Variants in CACNA2D3 observed in about 807,000 individuals in gnomAD.
CACNA2D3 encodes the protein calcium voltage-gated channel auxiliary subunit alpha2delta 3, also known as voltage-dependent calcium channel subunit alpha-2/delta-3.
In CACNA2D3, 60 loss-of-function variants were observed where a neutral mutation model predicts 160.6. That is an observed-to-expected ratio of 0.37 (90% CI 0.30 to 0.46). The LOEUF (loss-of-function observed/expected upper bound fraction) is 0.46. Among genes scored for constraint, CACNA2D3 ranks in the 20% least tolerant of loss-of-function variants. CACNA2D3 has a pLI of 1.00. For synonymous variants in CACNA2D3, 558 were observed against 492.9 expected, an observed-to-expected ratio of 1.13 and a Z score of -1.75; for missense variants, 1,205 against 1,365.0, an observed-to-expected ratio of 0.88 and a Z score of 1.85.
At chr3:54,666,861 T>C (rs1181517202) in intron 11 of CACNA2D3, among the ~76,000 whole-genome samples, 2 of 152,234 alleles carry the variant, frequency 1.3e-5, no homozygotes, top group African/African-American at 2.4e-5. Context: ...GGAAGTACTT[T>C]GTGCTATCAA....
intron 12 of CACNA2D3, 70 bp from the exon 13 acceptor site, chr3:54,764,148 C>A: frequency 6.5e-7 from 1 of 1,531,264 alleles, no homozygotes; most frequent in Non-Finnish European, 9.0e-7. Flanking sequence ...GAAGGCATGG[C>A]ATATGCATAT....
chr3:54,521,817 T>C (rs1229044788), intron 5 of CACNA2D3, among the ~76,000 whole-genome samples: 1 of 152,214 alleles, frequency 6.6e-6, no homozygotes, highest in Non-Finnish European at 1.5e-5. Context: ...GAAAAGACTG[T>C]TCTTTCCCCC....
rs79701749 is a variant in CACNA2D3, at chr3:54,138,483, C to T, written c.204+14889C>T. On this transcript the variant is annotated intron_variant, in intron 2 of 37. Coordinates refer to ENST00000474759, the MANE Select transcript of CACNA2D3 (RefSeq NM_018398.3). ...GCATCTCTGGTTATAGTGCCTGCCT[C>T]CTCCTTAAAGCACCCACTGCATCCG... is the stretch of plus-strand genomic sequence containing the variant. Among the ~76,000 whole-genome samples the T allele has an allele frequency of 0.012, 1,795 of 152,306 alleles. 84 individuals carry two copies. In the East Asian group the frequency reaches 0.16, roughly 14 times the overall value.
intron 3 of CACNA2D3, among the ~76,000 whole-genome samples, chr3:54,324,605 G>T (rs1302326151): frequency 6.6e-6 from 1 of 151,968 alleles, no homozygotes; most frequent in Non-Finnish European, 1.5e-5. Flanking sequence ...TAGGTTATTT[G>T]ATATGGCCAT....
At chr3:54,521,556 C>G (rs1220941197) in intron 5 of CACNA2D3, among the ~76,000 whole-genome samples, 1 of 152,108 alleles carries the variant, frequency 6.6e-6, no homozygotes, top group East Asian at 1.9e-4. Flanking sequence ...TTGATGAAGT[C>G]CAATTTACCT....
intron 4 of CACNA2D3, among the ~76,000 whole-genome samples, chr3:54,430,257 T>C (rs993527074): frequency 1.3e-5 from 2 of 152,238 alleles, no homozygotes; most frequent in African/African-American, 4.8e-5. Flanking sequence ...AATTATTCTG[T>C]GCAGATTTAT....
At chr3:54,283,896 C>G (rs1702944737) in intron 2 of CACNA2D3, among the ~76,000 whole-genome samples, 1 of 152,072 alleles carries the variant, frequency 6.6e-6, no homozygotes, top group African/African-American at 2.4e-5. Context: ...AACCCCGTCT[C>G]TACTAAAAAT....
At chr3:54,683,809 C>G (rs1258641330) in intron 11 of CACNA2D3, among the ~76,000 whole-genome samples, 3 of 152,146 alleles carry the variant, frequency 2.0e-5, no homozygotes, top group Non-Finnish European at 4.4e-5. Context: ...TCTCTGAAAA[C>G]TCTAGAGAAG....
intron 12 of CACNA2D3, among the ~76,000 whole-genome samples, chr3:54,763,370 T>C (rs887928609): frequency 6.6e-6 from 1 of 152,068 alleles, no homozygotes; most frequent in Non-Finnish European, 1.5e-5. Context: ...CTTAAATATG[T>C]TGTCACAAAG....
chr3:54,465,510 A>G (rs1361430286), intron 4 of CACNA2D3, among the ~76,000 whole-genome samples: 2 of 152,206 alleles, frequency 1.3e-5, no homozygotes, highest in Non-Finnish European at 2.9e-5. Context: ...TTGCGGTTTC[A>G]GGCATCCACT....
intron 17 of CACNA2D3, among the ~76,000 whole-genome samples, chr3:54,857,012 CTCAGGCAAGCCACCTG>C (rs1412983791): frequency 6.6e-6 from 1 of 152,166 alleles, no homozygotes; most frequent in African/African-American, 2.4e-5. Context: ...AACTCCTGAG[CTCAGGCAAGCCACCTG>C]TCTTGGCCTC....
intron 13 of CACNA2D3, among the ~76,000 whole-genome samples, chr3:54,812,364 C>T (rs1360279633): frequency 6.6e-6 from 1 of 152,174 alleles, no homozygotes; most frequent in Non-Finnish European, 1.5e-5. Context: ...GAGCATATGA[C>T]AAGAGAGGGT....
chr3:54,228,986 C>T (rs558064803), intron 2 of CACNA2D3, among the ~76,000 whole-genome samples: 9 of 152,260 alleles, frequency 5.9e-5, no homozygotes, highest in South Asian at 2.1e-4. Flanking sequence ...GGGTATCTCC[C>T]GTGGAGTCAG....
At chr3:54,242,937 T>A (rs1478975183) in intron 2 of CACNA2D3, among the ~76,000 whole-genome samples, 1 of 152,194 alleles carries the variant, frequency 6.6e-6, no homozygotes, top group Non-Finnish European at 1.5e-5. Context: ...TGAAGATGAC[T>A]GACAGTAAAG....
chr3:54,406,764 ATAG>A (rs1314039165), intron 4 of CACNA2D3, among the ~76,000 whole-genome samples: 1 of 152,138 alleles, frequency 6.6e-6, no homozygotes, highest in Non-Finnish European at 1.5e-5. Flanking sequence ...ACTATAGTTA[ATAG>A]TAGTGTATTG....
At chr3:54,152,431 A>G (rs547782780) in intron 2 of CACNA2D3, among the ~76,000 whole-genome samples, 1 of 152,354 alleles carries the variant, frequency 6.6e-6, no homozygotes, top group South Asian at 2.1e-4. Flanking sequence ...CTTCTCTTCA[A>G]AATCTTTGAT....
chr3:54,470,248 T>A (rs1210638875), intron 4 of CACNA2D3, among the ~76,000 whole-genome samples: 2 of 152,296 alleles, frequency 1.3e-5, no homozygotes, highest in East Asian at 3.9e-4. Flanking sequence ...AGAAACCCTA[T>A]AAGCCAGAAG....
At position 54,756,320 on chromosome 3, in the gene CACNA2D3, C is replaced by T. The variant is rs1303414542; in HGVS notation, c.1246+3643C>T. 3.3e-5 allele frequency among the ~76,000 whole-genome samples: 5 copies of T among 152,140 alleles called. No individual in the cohort carries two copies. The East Asian group carries it at 9.6e-4, about 29-fold the overall frequency. ...TTGCCACTCTTCAAAGTAGCAATGC[C>T]ATCAAAATGTGATATTCCAGTCATC... On this transcript the variant is annotated intron_variant, in intron 12 of 37. Transcript: ENST00000474759.
intron 30 of CACNA2D3, among the ~76,000 whole-genome samples, chr3:54,985,420 G>A (rs563075882): frequency 1.8e-4 from 27 of 152,156 alleles, no homozygotes; most frequent in Non-Finnish European, 2.1e-4. Context: ...TTACATTAAC[G>A]TATAAAAAAA....
Sources: gnomAD v4.1 joint callset for allele counts (sites outside exome capture counted in the v4.1 genomes callset) on GRCh38, gnomAD v4.1.1 for gene constraint, MANE v1.5 for transcripts, NCBI Gene and HGNC (gene_info 2026-07-23, HGNC 2026-07-21) for gene names.